Variants in PARP6 observed in about 807,000 individuals in gnomAD.
PARP6 encodes the protein protein mono-ADP-ribosyltransferase PARP6.
Under a neutral mutation model 92.0 loss-of-function variants are expected in PARP6, and 27 were observed. The ratio of observed to expected loss-of-function variants is 0.29; its 90% CI spans 0.22 to 0.40. PARP6 has a LOEUF of 0.40. PARP6 is among the 10% of genes least tolerant of loss of function. The pLI, the probability that PARP6 is intolerant of heterozygous loss-of-function variation, is 1.00. For missense variants in PARP6, 501 were observed against 784.5 expected (o/e 0.64, Z 4.32); for synonymous variants, 272 against 281.2 (o/e 0.97, Z 0.33).
At chr15:72,247,770 G>C (rs960766193) in intron 20 of PARP6, among the ~76,000 whole-genome samples, 1 of 151,786 alleles carries the variant, frequency 6.6e-6, no homozygotes, top group African/African-American at 2.4e-5. Flanking sequence ...CATAGTGTAG[G>C]TAACTCTCTT....
At chr15:72,256,979 G>A (rs1489716838) in intron 13 of PARP6, among the ~76,000 whole-genome samples, 3 of 152,150 alleles carry the variant, frequency 2.0e-5, no homozygotes, top group African/African-American at 4.8e-5. Context: ...CTGAGCTCAA[G>A]CCATCCTCCC....
At position 72,251,000 on chromosome 15, in the gene PARP6, C is replaced by A. The variant is rs369632041; in HGVS notation, c.1309-46G>T. On this transcript the variant is annotated intron_variant, in intron 17 of 23. Coordinates refer to ENST00000569795, the MANE Select transcript of PARP6 (RefSeq NM_001323532.2). ...GGAATCAGGAAAACAGAGCAGAAATCGAGATCAGGGAGGGAAGGGTTGGGG... is the reference window on the plus strand; with the variant it reads ...GGAATCAGGAAAACAGAGCAGAAATAGAGATCAGGGAGGGAAGGGTTGGGG... The A allele has an allele frequency of 7.1e-6, 10 of 1,416,458 alleles. No individual in the cohort carries two copies. In the South Asian group the frequency reaches 8.3e-5, roughly 12 times the overall value. 87.7% of individuals were successfully genotyped at this position (1,416,458 alleles called of 1,614,324 possible). A position where few individuals can be genotyped will look rare whatever the true frequency, so the allele number is the denominator to read the frequency against.
chr15:72,264,493 A>G (rs561838067), intron 8 of PARP6, 62 bp downstream of exon 8: 13 of 1,251,146 alleles, frequency 1.0e-5, no homozygotes, highest in South Asian at 3.7e-5. Context: ...GTCCATCCAT[A>G]TATTTCCACC....
At chr15:72,253,687 A>T in intron 15 of PARP6, 183 bp from the exon 16 acceptor site, 1 of 694,610 alleles carries the variant, frequency 1.4e-6, no homozygotes, top group Non-Finnish European at 2.6e-6. Context: ...CTCATAAATA[A>T]ATATGAAAAT....
At chr15:72,267,068 T>A in intron 3 of PARP6, 1 of 525,940 alleles carries the variant, frequency 1.9e-6, no homozygotes, top group Non-Finnish European at 3.4e-6. Context: ...TTTGGCCTTC[T>A]GAAGTCTCAG....
intron 17 of PARP6, 84 bp downstream of exon 17, chr15:72,251,123 G>A: frequency 9.7e-7 from 1 of 1,029,872 alleles, no homozygotes; most frequent in East Asian, 2.4e-5. Context: ...GGCAGATCTA[G>A]GACCAATATG....
chr15:72,259,881 C>T (rs532889967), intron 10 of PARP6, among the ~76,000 whole-genome samples: 1 of 152,334 alleles, frequency 6.6e-6, no homozygotes, highest in East Asian at 1.9e-4. Flanking sequence ...TAGGTTAGTA[C>T]AGCAGCTACA....
chr15:72,265,574 G>A, intron 5 of PARP6, 101 bp from the exon 6 acceptor site: 1 of 909,202 alleles, frequency 1.1e-6, no homozygotes, highest in Non-Finnish European at 1.8e-6. Context: ...CAGGGGAAAG[G>A]GAAGAGTGGA....
chr15:72,262,756 C>T (rs141896945), intron 8 of PARP6, among the ~76,000 whole-genome samples: 14 of 152,262 alleles, frequency 9.2e-5, no homozygotes, highest in African/African-American at 3.1e-4. Context: ...CAGAACCTGC[C>T]CTCCTTTGTC....
intron 2 of PARP6, among the ~76,000 whole-genome samples, chr15:72,270,360 T>A (rs1400041764): frequency 1.3e-5 from 2 of 152,208 alleles, no homozygotes; most frequent in Non-Finnish European, 2.9e-5. Flanking sequence ...CATGATGGTT[T>A]TCTGGTAATC....
rs537545916 is a variant in PARP6 at position 72,246,764 on chromosome 15, T to A, written c.1561+2481A>T. On this transcript the variant is annotated intron_variant, in intron 20 of 23. Coordinates refer to ENST00000569795, the MANE Select transcript of PARP6 (RefSeq NM_001323532.2). ...CTTATTGAACATATTTATTATTATT[T>A]TTTTTTTTGAGATGGAGTCTTGCTC... Among the ~76,000 whole-genome samples the A allele has an allele frequency of 8.9e-4, 134 of 150,864 alleles. 2 individuals carry two copies. The Middle Eastern group carries it at 0.014, about 16-fold the overall frequency.
At position 72,242,676 on chromosome 15, in the gene PARP6, T is replaced by C. The variant is rs748992170; in HGVS notation, c.1585A>G (p.Met529Val). Residue 529 changes from methionine to valine, a missense_variant, in exon 21 of 24, where the codon ATG (methionine) becomes GTG (valine). By Grantham distance (21) the Met-to-Val change is conservative. Coordinates refer to ENST00000569795, the MANE Select transcript of PARP6 (RefSeq NM_001323532.2). The surrounding 1 kb of genome is among the most constrained non-coding windows in gnomAD (Gnocchi z 4.3). ...TGGACCAGCTCATCCTTGGAGGGCA[T>C]CCTGTGCTGTCCTTTTCCCATTCCT... is the stretch of plus-strand genomic sequence containing the variant. ...YSGMGKGQHR[M>V]PSKDELVQRY... is the part of the protein sequence containing the mutation. 6.2e-7 allele frequency: 1 copy of C among 1,609,310 alleles called. No individual in the cohort carries two copies. The highest frequency in any genetic ancestry group is 1.1e-5 in the South Asian group (1 of 90,416).
At chr15:72,255,324 C>T (rs1331049017) in intron 14 of PARP6, among the ~76,000 whole-genome samples, 1 of 152,168 alleles carries the variant, frequency 6.6e-6, no homozygotes, top group Non-Finnish European at 1.5e-5. Context: ...GCGATCCTGG[C>T]TCACTGCAAC....
At position 72,260,685 on chromosome 15, in the gene PARP6, A is replaced by G; in HGVS notation, c.549T>C (p.Ser183=). Residue 183 remains serine (S), a synonymous_variant, in exon 10 of 24, where the codon TCT becomes TCC. Transcript: ENST00000569795. The part of the protein sequence containing the change: ...GLSIFSPIPK[S]PSFPIIQDSM... Reference sequence around the variant, plus strand: ...AGTCCTGTATGATAGGGAAACTGGGAGACCTGCAGAGAGAGAGCAAAGAGA... The same window carrying G: ...AGTCCTGTATGATAGGGAAACTGGGGGACCTGCAGAGAGAGAGCAAAGAGA... 6.2e-7 allele frequency: 1 copy of G among 1,607,776 alleles called. No homozygotes were observed. The highest frequency in any genetic ancestry group is 8.5e-7 in the Non-Finnish European group (1 of 1,174,220).
intron 17 of PARP6, 29 bp downstream of exon 17, chr15:72,251,178 A>T: frequency 6.7e-7 from 1 of 1,496,062 alleles, no homozygotes; most frequent in Non-Finnish European, 9.3e-7. Context: ...CAGAAATTTA[A>T]AGCATTTAGA....
chr15:72,247,475 GT>G (rs2083763295), intron 20 of PARP6, among the ~76,000 whole-genome samples: 1 of 151,966 alleles, frequency 6.6e-6, no homozygotes, highest in African/African-American at 2.4e-5. Flanking sequence ...CCAGCCAGAA[GT>G]TTTTAATTTT....
chr15:72,256,720 T>G lies in PARP6; in HGVS notation c.1000-130A>C, dbSNP rs540219061. ...TGTTTAAGGCTTTCAAAATAGAAAATACAAGCTCATAAAAATTCAAGTAAT... is the reference window on the plus strand; with the variant it reads ...TGTTTAAGGCTTTCAAAATAGAAAAGACAAGCTCATAAAAATTCAAGTAAT... On this transcript the variant is annotated intron_variant, in intron 13 of 23. Transcript: ENST00000569795. 3 of 710,552 alleles carry G rather than the reference T, an allele frequency of 4.2e-6. No individual in the cohort carries two copies. In the South Asian group the frequency reaches 1.6e-4, roughly 37 times the overall value. The allele number at this position is 710,552 out of a possible 1,614,324, so 44.0% of individuals were successfully genotyped here. A position where few individuals can be genotyped will look rare whatever the true frequency, so the allele number is the denominator to read the frequency against.
chr15:72,245,963 G>A (rs1456750035), intron 20 of PARP6, among the ~76,000 whole-genome samples: 4 of 152,142 alleles, frequency 2.6e-5, no homozygotes, highest in African/African-American at 9.7e-5. Flanking sequence ...CTTAATCAGA[G>A]GGATGCTTAG....
At chr15:72,261,847 C>T in intron 8 of PARP6, 140 bp from the exon 9 acceptor site, 1 of 765,184 alleles carries the variant, frequency 1.3e-6, no homozygotes, top group East Asian at 2.5e-5. Flanking sequence ...CTGAAGACCC[C>T]TTTAAATGAC....
Sources: allele counts gnomAD v4.1 joint callset (sites outside exome capture counted in the v4.1 genomes callset), GRCh38; gene constraint gnomAD v4.1.1; non-coding constraint Gnocchi (gnomAD v3.1); transcripts MANE v1.5; gene names NCBI Gene and HGNC (gene_info 2026-07-23, HGNC 2026-07-21).